The following MICAL3 variants were observed in gnomAD, a reference collection of about 807,000 sequenced individuals.
MICAL3 encodes the protein [F-actin]-monooxygenase MICAL3.
Under a neutral mutation model 207.4 loss-of-function variants are expected in MICAL3, and 62 were observed. That is an observed-to-expected ratio of 0.30 (90% CI 0.24 to 0.37). The LOEUF is 0.37. Ranked by LOEUF, MICAL3 falls within the 10% of genes least tolerant of loss-of-function variation. The pLI is 1.00. For synonymous variants in MICAL3, 1,077 were observed against 1,069.3 expected (o/e 1.01, Z -0.14); for missense variants, 2,368 against 2,635.6 (o/e 0.90, Z 2.22).
At chr22:17,898,604 T>A (rs1931060354) in intron 7 of MICAL3, among the ~76,000 whole-genome samples, 1 of 152,242 alleles carries the variant, frequency 6.6e-6, no homozygotes, top group Non-Finnish European at 1.5e-5. Context: ...GAGTCTCTTG[T>A]GGGAACTGCA....
chr22:17,950,331 GTTTTTGTTTTTTTT>G (rs1934275325), intron 1 of MICAL3, among the ~76,000 whole-genome samples: 3 of 97,510 alleles, frequency 3.1e-5, no homozygotes, highest in African/African-American at 8.4e-5. Context: ...CTGGCGTTTT[GTTTTTGTTTTTTTT>G]TTTTTTTTTT....
intron 1 of MICAL3, among the ~76,000 whole-genome samples, chr22:17,915,132 C>A (rs758511349): frequency 4.6e-5 from 7 of 152,180 alleles, no homozygotes; most frequent in Non-Finnish European, 8.8e-5. Context: ...TCCTCAAGGG[C>A]CGGAATCCAA....
chr22:17,854,138 T>C (rs1212725116), intron 19 of MICAL3, among the ~76,000 whole-genome samples: 6 of 152,214 alleles, frequency 3.9e-5, no homozygotes, highest in African/African-American at 1.4e-4. Flanking sequence ...AACCTTAGTC[T>C]AGATCCGTGA....
intron 19 of MICAL3, among the ~76,000 whole-genome samples, chr22:17,847,362 T>G (rs1031836049): frequency 7.2e-5 from 11 of 152,252 alleles, no homozygotes; most frequent in African/African-American, 2.4e-4. Flanking sequence ...AGAAAGGTGC[T>G]GTGTACACAG....
At chr22:17,954,619 C>T (rs1049981098) in intron 1 of MICAL3, among the ~76,000 whole-genome samples, 1 of 152,128 alleles carries the variant, frequency 6.6e-6, no homozygotes, top group African/African-American at 2.4e-5. Context: ...AATGTTTAGC[C>T]AGGCAAACGT....
intron 1 of MICAL3, among the ~76,000 whole-genome samples, chr22:17,907,726 G>C (rs998804115): frequency 1.3e-5 from 2 of 152,192 alleles, no homozygotes; most frequent in Admixed American, 1.3e-4. Flanking sequence ...TAAAAGATGA[G>C]GAACAGTAGG....
chr22:18,015,422 C>CTTTTTTTTTTTTTTTTTTTT, intron 1 of MICAL3, among the ~76,000 whole-genome samples: 1 of 105,610 alleles, frequency 9.5e-6, no homozygotes, highest in Non-Finnish European at 1.8e-5. Context: ...TAAGACTCAT[C>CTTTTTTTTTTTTTTTTTTTT]TTTTTTTTTT....
chr22:18,012,364 G>A (rs1923796404), intron 1 of MICAL3, among the ~76,000 whole-genome samples: 1 of 152,244 alleles, frequency 6.6e-6, no homozygotes, highest in Non-Finnish European at 1.5e-5. Context: ...AAAGGCAGAG[G>A]TACCACTGTT....
intron 1 of MICAL3, among the ~76,000 whole-genome samples, chr22:18,007,676 G>A (rs1317074770): frequency 2.0e-5 from 3 of 150,980 alleles, no homozygotes; most frequent in Admixed American, 1.3e-4. Flanking sequence ...TGATGGGGCC[G>A]GGTGCTGTGG....
intron 1 of MICAL3, among the ~76,000 whole-genome samples, chr22:17,938,944 T>G (rs1933682912): frequency 6.6e-6 from 1 of 152,180 alleles, no homozygotes. Flanking sequence ...AGGGGTGTTG[T>G]GGTTGGAATG....
chr22:17,892,226 A>C (rs1930452950), intron 11 of MICAL3, among the ~76,000 whole-genome samples: 1 of 152,200 alleles, frequency 6.6e-6, no homozygotes. Context: ...GGCACCTTGT[A>C]CTATGAATTC....
chr22:17,877,445 G>GGTTAGGGAA (rs1928872342), intron 16 of MICAL3, among the ~76,000 whole-genome samples: 1 of 104,904 alleles, frequency 9.5e-6, no homozygotes, highest in Non-Finnish European at 1.9e-5. Flanking sequence ...AGGTGAGGGA[G>GGTTAGGGAA]GTTATGGAGG....
chr22:17,881,311 A>C, intron 16 of MICAL3: 1 of 1,598,332 alleles, frequency 6.3e-7, no homozygotes, highest in East Asian at 2.3e-5. Flanking sequence ...TTGCTTTTAC[A>C]CCAACAGACA....
chr22:17,880,994 G>C, intron 16 of MICAL3, among the ~76,000 whole-genome samples: 1 of 152,222 alleles, frequency 6.6e-6, no homozygotes, highest in East Asian at 1.9e-4. Flanking sequence ...CCATGATGTG[G>C]GTGGGACTGA....
chr22:17,928,870 C>A (rs1231374392), intron 1 of MICAL3, among the ~76,000 whole-genome samples: 2 of 152,204 alleles, frequency 1.3e-5, no homozygotes, highest in African/African-American at 4.8e-5. Context: ...TCTCCGCTCA[C>A]TGCAAGCTCC....
At chr22:17,830,818 C>G (rs440893) in intron 21 of MICAL3, among the ~76,000 whole-genome samples, 106,074 of 152,160 alleles carry the variant, frequency 0.7, 38,418 homozygotes, top group African/African-American at 0.88. Flanking sequence ...CAGCTGTTCT[C>G]GCGGACGCCC....
At chr22:17,897,528 G>A (rs1263065812) in intron 7 of MICAL3, among the ~76,000 whole-genome samples, 1 of 151,608 alleles carries the variant, frequency 6.6e-6, no homozygotes, top group Non-Finnish European at 1.5e-5. Context: ...CCATTTGCTT[G>A]GAACAATGAC....
chr22:17,990,965 A>G (rs1476427929), intron 1 of MICAL3, among the ~76,000 whole-genome samples: 1 of 152,170 alleles, frequency 6.6e-6, no homozygotes, highest in Non-Finnish European at 1.5e-5. Context: ...AAGCATTTGG[A>G]CCTCATAAAA....
Position 17,789,168 on chromosome 22 carries a change from G to C in MICAL3, c.*1564C>G, listed in dbSNP as rs972415853. The C allele has an allele frequency of 7.2e-6, 1 of 139,390 alleles. No homozygotes were observed. Among genetic ancestry groups the C allele is most frequent in the African/African-American group, 2.8e-5 (1 of 35,574 alleles). The allele number at this position is 139,390 out of a possible 1,614,324, so 8.6% of individuals were successfully genotyped here. On this transcript the variant is annotated 3_prime_UTR_variant, in exon 32 of 32. Transcript: ENST00000441493. ...CCCATGAAGATCCGGCACAAGGCAG[G>C]TGCCCGTCGCCTTCGGAAGGAAGGG... is the stretch of plus-strand genomic sequence containing the variant.
Sources: gnomAD v4.1 joint callset for allele counts (sites outside exome capture counted in the v4.1 genomes callset) on GRCh38, gnomAD v4.1.1 for gene constraint, MANE v1.5 for transcripts, NCBI Gene and HGNC (gene_info 2026-07-23, HGNC 2026-07-21) for gene names.